CYP1B1: variants seen among roughly 807,000 people sequenced by gnomAD.
CYP1B1 encodes the protein cytochrome P450 family 1 subfamily B member 1.
In CYP1B1, 22 loss-of-function variants were observed where a neutral mutation model predicts 29.9. That is an observed-to-expected ratio of 0.74 (90% CI 0.53 to 1.05). The LOEUF is 1.05. Ranked by LOEUF, CYP1B1 falls within the 50% of genes least tolerant of loss-of-function variation. CYP1B1 has a pLI of 0.00. For synonymous variants in CYP1B1, 375 were observed against 320.0 expected (o/e 1.17, Z -1.83); for missense variants, 883 against 746.9 (o/e 1.18, Z -2.12).
intron 2 of CYP1B1, among the ~76,000 whole-genome samples, chr2:38,072,429 G>A: frequency 6.6e-6 from 1 of 152,014 alleles, no homozygotes; most frequent in East Asian, 1.9e-4. Context: ...CAACATTAAA[G>A]TTCAATAAAT....
Position 38,070,888 on chromosome 2 carries a change from T to C in CYP1B1, c.1466A>G (p.His489Arg), listed in dbSNP as rs1383204387. ...QLFLFISILAHQCDFRANPNE... is the reference protein window; with the variant it reads ...QLFLFISILARQCDFRANPNE... ...TGGGTTGGCCCTGAAATCGCACTGG[T>C]GAGCCAGGATGGAGATGAAGAGAAA... The change falls in exon 3 of 3, where the codon CAC becomes CGC. Residue 489 changes from histidine to arginine, a missense_variant. Physicochemically the swap from His to Arg is conservative, Grantham distance 29. Transcript: ENST00000610745. The C allele has an allele frequency of 1.2e-6, 2 of 1,614,134 alleles. No homozygotes were observed. The highest frequency in any genetic ancestry group is 2.2e-5 in the South Asian group (2 of 91,086).
chr2:38,070,479 A>C lies in CYP1B1; in HGVS notation c.*243T>G. Reference sequence around the variant, plus strand: ...AATAACCAAGATGCAGTATGTATATAATAATTCATTGGGCCCTTTAAGTCT... The same window carrying C: ...AATAACCAAGATGCAGTATGTATATCATAATTCATTGGGCCCTTTAAGTCT... On this transcript the variant is annotated 3_prime_UTR_variant, in exon 3 of 3. Coordinates refer to ENST00000610745, the MANE Select transcript of CYP1B1 (RefSeq NM_000104.4). 1.8e-6 allele frequency: 1 copy of C among 544,280 alleles called. No individual in the cohort carries two copies. The allele number at this position is 544,280 out of a possible 1,614,324, so 33.7% of individuals were successfully genotyped here.
At position 38,074,510 on chromosome 2, in the gene CYP1B1, C is replaced by T. The variant is rs1372319724; in HGVS notation, c.879G>A (p.Met293Ile). Residue 293 changes from methionine to isoleucine, a missense_variant, in exon 2 of 3, where the codon ATG becomes ATA. Physicochemically the swap from Met to Ile is conservative, Grantham distance 10. Coordinates refer to ENST00000610745, the MANE Select transcript of CYP1B1 (RefSeq NM_000104.4). ...LRPGAAPRDM[M>I]DAFILSAEKK... ...TTTCCGCAGAGAGGATAAAGGCGTCCATCATGTCGCGGGGGGCGGCCCCGG... is the reference window on the plus strand; with the variant it reads ...TTTCCGCAGAGAGGATAAAGGCGTCTATCATGTCGCGGGGGGCGGCCCCGG... 1 of 1,609,830 alleles carries T rather than the reference C, an allele frequency of 6.2e-7. No individual in the cohort carries two copies. Among genetic ancestry groups the T allele is most frequent in the Non-Finnish European group, 8.5e-7 (1 of 1,178,360 alleles).
rs749073455 is a variant in CYP1B1 at position 38,071,008 on chromosome 2, TC to T, written c.1345del (p.Asp449MetfsTer8). On this transcript the variant is annotated frameshift_variant, in exon 3 of 3. Coordinates refer to ENST00000610745, the MANE Select transcript of CYP1B1 (RefSeq NM_000104.4). LOFTEE classifies it high-confidence loss of function. Reference protein sequence around the residue: ...NFDPARFLDKDGLINKDLTSR... With the variant: ...NFDPARFLDKXGLINKDLTSR... The stretch of plus-strand genomic sequence containing the variant: ...GGTCAGGTCCTTGTTGATGAGGCCA[TC>T]CTTGTCCAAGAATCGAGCTGGATCA... 29 of 1,613,986 alleles carry T rather than the reference TC, an allele frequency of 1.8e-5. No homozygotes were observed. The highest frequency in any genetic ancestry group is 2.5e-5 in the Non-Finnish European group (29 of 1,180,002).
Position 38,071,135 on chromosome 2 carries a change from T to C in CYP1B1, c.1219A>G (p.Thr407Ala), listed in dbSNP as rs764779087. ...VTIPHATTAN[T>A]SVLGYHIPKD... ...GGAATGTGGTAGCCCAAGACAGAGG[T>C]GTTGGCAGTGGTGGCATGAGGAATA... is the stretch of plus-strand genomic sequence containing the variant. Residue 407 changes from threonine (T) to alanine (A), a missense_variant, in exon 3 of 3, where the codon ACC becomes GCC. By Grantham distance (58) the Thr-to-Ala change is moderately conservative. Transcript: ENST00000610745. 6.2e-7 allele frequency: 1 copy of C among 1,613,556 alleles called. No individual in the cohort carries two copies. Among genetic ancestry groups the C allele is most frequent in the East Asian group, 2.2e-5 (1 of 44,860 alleles).
intron 1 of CYP1B1, 53 bp from the exon 2 acceptor site, chr2:38,075,442 G>A (rs1315546802): frequency 1.9e-6 from 3 of 1,571,486 alleles, no homozygotes; most frequent in African/African-American, 1.3e-5. Context: ...GACAGGAGCG[G>A]GCGCCCCACG....
At position 38,070,948 on chromosome 2, in the gene CYP1B1, C is replaced by T. The variant is rs747324108; in HGVS notation, c.1406G>A (p.Arg469Gln). ...CTTAGAAAGTTCTTCGCCAATGCAC[C>T]GCCTTTTGCCCACTGAAAAAATCAT... ...RVMIFSVGKR[R>Q]CIGEELSKMQ... The change falls in exon 3 of 3, where the codon CGG (arginine) becomes CAG (glutamine). Residue 469 changes from arginine (R) to glutamine (Q), a missense_variant. Arg to Gln is a conservative substitution (Grantham distance 43, BLOSUM62 1). Coordinates refer to ENST00000610745, the MANE Select transcript of CYP1B1 (RefSeq NM_000104.4). 3.0e-5 allele frequency: 48 copies of T among 1,614,020 alleles called. No homozygotes were observed. Among genetic ancestry groups the T allele is most frequent in the Middle Eastern group, 1.6e-4 (1 of 6,082 alleles).
At chr2:38,075,720 G>C (rs1682526221) in intron 1 of CYP1B1, 60 bp downstream of exon 1, 2 of 437,578 alleles carry the variant, frequency 4.6e-6, no homozygotes, top group Non-Finnish European at 4.2e-6. Context: ...CACGCCACCC[G>C]CTACCTGTAA....
intron 2 of CYP1B1, 160 bp downstream of exon 2, chr2:38,074,186 A>G: frequency 1.3e-6 from 1 of 790,042 alleles, no homozygotes; most frequent in Non-Finnish European, 2.0e-6. Flanking sequence ...CGCAGCCCTC[A>G]CTGTGAGTCC....
At position 38,074,514 on chromosome 2, in the gene CYP1B1, A is replaced by G; in HGVS notation, c.875T>C (p.Met292Thr). 1.9e-6 allele frequency: 3 copies of G among 1,609,592 alleles called. No homozygotes were observed. The highest frequency in any genetic ancestry group is 2.5e-6 in the Non-Finnish European group (3 of 1,178,306). Residue 292 changes from methionine to threonine, a missense_variant, in exon 2 of 3, where the codon ATG becomes ACG. Physicochemically the swap from Met to Thr is moderately conservative, Grantham distance 81. Coordinates refer to ENST00000610745, the MANE Select transcript of CYP1B1 (RefSeq NM_000104.4). ...CGCAGAGAGGATAAAGGCGTCCATC[A>G]TGTCGCGGGGGGCGGCCCCGGGCCG... ...SLRPGAAPRD[M>T]MDAFILSAEK... is the part of the protein sequence containing the mutation.
rs1306982419 is a variant in CYP1B1 at position 38,075,618 on chromosome 2, C to A, written c.-2+162G>T. On this transcript the variant is annotated intron_variant, in intron 1 of 2. Coordinates refer to ENST00000610745, the MANE Select transcript of CYP1B1 (RefSeq NM_000104.4). Reference sequence around the variant, plus strand: ...CTGTAACCCAGCGCCAAACCCTTCCCCTCCCCGCAAGGCGCGTAACGGTTC... The same window carrying A: ...CTGTAACCCAGCGCCAAACCCTTCCACTCCCCGCAAGGCGCGTAACGGTTC... 6.7e-6 allele frequency: 4 copies of A among 594,652 alleles called. No individual in the cohort carries two copies. In the Admixed American group the frequency reaches 1.2e-4, roughly 18 times the overall value. 36.8% of individuals were successfully genotyped at this position (594,652 alleles called of 1,614,324 possible).
intron 2 of CYP1B1, 124 bp from the exon 3 acceptor site, chr2:38,071,434 AAATT>A: frequency 2.3e-6 from 2 of 867,058 alleles, no homozygotes; most frequent in Non-Finnish European, 3.7e-6. Context: ...CTCAGTGACT[AAATT>A]AATATTTCTG....
chr2:38,074,172 G>T, intron 2 of CYP1B1, 174 bp downstream of exon 2: 1 of 706,958 alleles, frequency 1.4e-6, no homozygotes, highest in Non-Finnish European at 2.3e-6. Context: ...GCGCGTGCGC[G>T]TGTCGCAGCC....
At position 38,074,411 on chromosome 2, in the gene CYP1B1, G is replaced by A. The variant is rs753612739; in HGVS notation, c.978C>T (p.Asp326=). ...GGGTGTCCTGGCTGGCGCCGAAGAT[G>A]TCAGTGATAGTGGCCGGTACGTTCT... ...DLENVPATIT[D]IFGASQDTLS... Residue 326 remains aspartate (D), a synonymous_variant, in exon 2 of 3, where the codon GAC becomes GAT. Transcript: ENST00000610745. The A allele has an allele frequency of 4.3e-6, 7 of 1,613,474 alleles. No homozygotes were observed.
chr2:38,071,524 T>G (rs1682433474), intron 2 of CYP1B1, among the ~76,000 whole-genome samples: 1 of 152,232 alleles, frequency 6.6e-6, no homozygotes, highest in Admixed American at 6.5e-5. Context: ...TTTCCTGTAA[T>G]AGGCCTTGCA....
Position 38,071,096 on chromosome 2 carries a change from C to G in CYP1B1, c.1258G>C (p.Val420Leu), listed in dbSNP as rs1682423845. The G allele has an allele frequency of 6.2e-7, 1 of 1,612,654 alleles. No individual in the cohort carries two copies. Among genetic ancestry groups the G allele is most frequent in the Non-Finnish European group, 8.5e-7 (1 of 1,178,726 alleles). The change falls in exon 3 of 3, where the codon GTT (valine) becomes CTT (leucine). Residue 420 changes from valine to leucine, a missense_variant. Physicochemically the swap from Val to Leu is conservative, Grantham distance 32. Transcript: ENST00000610745. ...LGYHIPKDTVVFVNQWSVNHD... is the reference protein window; with the variant it reads ...LGYHIPKDTVLFVNQWSVNHD... ...TTCACAGACCACTGGTTGACAAAAA[C>G]CACAGTGTCCTTGGGAATGTGGTAG...
At position 38,074,484 on chromosome 2, in the gene CYP1B1, TTTTCC is replaced by T; in HGVS notation, c.900_904del (p.Lys302GlyfsTer23). On this transcript the variant is annotated frameshift_variant, in exon 2 of 3. Coordinates refer to ENST00000610745, the MANE Select transcript of CYP1B1 (RefSeq NM_000104.4). LOFTEE classifies it high-confidence loss of function. ...ACCGTGCGAGTCCCCGGCCGCCTTC[TTTTCC>T]GCAGAGAGGATAAAGGCGTCCATCA... is the stretch of plus-strand genomic sequence containing the variant. The T allele has an allele frequency of 6.2e-7, 1 of 1,612,232 alleles. No individual in the cohort carries two copies. The highest frequency in any genetic ancestry group is 8.5e-7 in the Non-Finnish European group (1 of 1,179,482).
In CYP1B1 at chr2:38,068,384, G is replaced by A. The variant is rs148346683; in HGVS notation, c.*2338C>T. 3.1e-5 allele frequency: 7 copies of A among 227,934 alleles called. No homozygotes were observed. In the East Asian group the frequency reaches 3.7e-4, roughly 12 times the overall value. 14.1% of individuals were successfully genotyped at this position (227,934 alleles called of 1,614,324 possible). ...AGCTTTCCTTTTGCCGCAAGCATCTGATGACGACTGGGCCTACATACGTAA... is the reference window on the plus strand; with the variant it reads ...AGCTTTCCTTTTGCCGCAAGCATCTAATGACGACTGGGCCTACATACGTAA... On this transcript the variant is annotated 3_prime_UTR_variant, in exon 3 of 3. Coordinates refer to ENST00000610745, the MANE Select transcript of CYP1B1 (RefSeq NM_000104.4).
rs576444289 is a variant in CYP1B1 at position 38,070,585 on chromosome 2, T to G, written c.*137A>C. 1 of 800,278 alleles carries G rather than the reference T, an allele frequency of 1.2e-6. No homozygotes were observed. The highest frequency in any genetic ancestry group is 1.6e-5 in the South Asian group (1 of 62,892). 49.6% of individuals were successfully genotyped at this position (800,278 alleles called of 1,614,324 possible). ...CGCTGGGTATGGAGCACACCTCACCTGATGGACAGTTGATTTATGCTCACC... is the reference window on the plus strand; with the variant it reads ...CGCTGGGTATGGAGCACACCTCACCGGATGGACAGTTGATTTATGCTCACC... On this transcript the variant is annotated 3_prime_UTR_variant, in exon 3 of 3. Coordinates refer to ENST00000610745, the MANE Select transcript of CYP1B1 (RefSeq NM_000104.4).
Sources: gnomAD v4.1 joint callset for allele counts (sites outside exome capture counted in the v4.1 genomes callset) on GRCh38, gnomAD v4.1.1 for gene constraint, MANE v1.5 for transcripts, NCBI Gene and HGNC (gene_info 2026-07-23, HGNC 2026-07-21) for gene names.